CTNND2: variants seen among roughly 807,000 people sequenced by gnomAD.
CTNND2 encodes the protein catenin delta 2, also known as catenin delta-2.
A neutral mutation model predicts 144.4 loss-of-function variants in CTNND2; 22 were observed. The ratio of observed to expected loss-of-function variants is 0.15; its 90% CI spans 0.11 to 0.22. The LOEUF (loss-of-function observed/expected upper bound fraction) is 0.22, where lower values mean the gene tolerates loss of function less well. CTNND2 is among the 10% of genes least tolerant of loss of function. CTNND2 has a pLI of 1.00. For missense variants in CTNND2, 1,353 were observed against 1,618.8 expected (o/e 0.84, Z 2.82); for synonymous variants, 751 against 695.6 (o/e 1.08, Z -1.25).
chr5:11,838,696 G>A (rs1794305046), intron 1 of CTNND2, among the ~76,000 whole-genome samples: 1 of 152,164 alleles, frequency 6.6e-6, no homozygotes, highest in Admixed American at 6.5e-5. Context: ...GCTAGAGTAT[G>A]ATACTATCAT....
intron 8 of CTNND2, among the ~76,000 whole-genome samples, chr5:11,360,356 T>C (rs1245593179): frequency 6.6e-6 from 1 of 152,180 alleles, no homozygotes; most frequent in Non-Finnish European, 1.5e-5. Context: ...GTTATCTCCC[T>C]GACTATCTCT....
At chr5:11,684,606 T>C (rs1041266718) in intron 2 of CTNND2, among the ~76,000 whole-genome samples, 3 of 152,234 alleles carry the variant, frequency 2.0e-5, no homozygotes, top group Non-Finnish European at 2.9e-5. Context: ...GTCAGCAAGT[T>C]GGTCATGGCA....
At chr5:11,227,840 C>A (rs2149878607) in intron 10 of CTNND2, among the ~76,000 whole-genome samples, 1 of 152,234 alleles carries the variant, frequency 6.6e-6, no homozygotes, top group South Asian at 2.1e-4. Context: ...GACACACAAA[C>A]AGACAACTGC....
chr5:11,876,140 T>C (rs1309777058), intron 1 of CTNND2, among the ~76,000 whole-genome samples: 2 of 151,996 alleles, frequency 1.3e-5, no homozygotes, highest in Admixed American at 6.6e-5. Flanking sequence ...CATGGTCCCT[T>C]AGAATATGGG....
chr5:11,470,573 T>C (rs1767094118), intron 3 of CTNND2, among the ~76,000 whole-genome samples: 1 of 152,138 alleles, frequency 6.6e-6, no homozygotes, highest in Non-Finnish European at 1.5e-5. Flanking sequence ...CTGACTAAAG[T>C]CCTTGGTTTA....
intron 2 of CTNND2, among the ~76,000 whole-genome samples, chr5:11,580,383 T>G (rs2150128478): frequency 6.6e-6 from 1 of 152,324 alleles, no homozygotes; most frequent in East Asian, 1.9e-4. Flanking sequence ...ACTTTCTTAT[T>G]ATTTTCTGTC....
chr5:11,699,426 G>A (rs1785313198), intron 2 of CTNND2, among the ~76,000 whole-genome samples: 2 of 152,098 alleles, frequency 1.3e-5, no homozygotes, highest in Admixed American at 6.6e-5. Flanking sequence ...GTGGGTGAGA[G>A]GGAAATAAGA....
intron 1 of CTNND2, among the ~76,000 whole-genome samples, chr5:11,878,684 T>C (rs1009768009): frequency 6.6e-6 from 1 of 152,160 alleles, no homozygotes. Context: ...CAGGTTATTA[T>C]TTGCTAAGAG....
chr5:11,447,971 G>C (rs781053845), intron 3 of CTNND2, among the ~76,000 whole-genome samples: 2 of 152,152 alleles, frequency 1.3e-5, no homozygotes, highest in Non-Finnish European at 2.9e-5. Context: ...CAATTTTCCT[G>C]AGAATGAAGT....
intron 16 of CTNND2, among the ~76,000 whole-genome samples, chr5:11,060,932 T>G (rs1746895328): frequency 6.6e-6 from 1 of 152,124 alleles, no homozygotes. Context: ...ACTTAGAGAT[T>G]AACATAATTG....
At chr5:11,401,843 G>A (rs1760678161) in intron 5 of CTNND2, among the ~76,000 whole-genome samples, 1 of 152,132 alleles carries the variant, frequency 6.6e-6, no homozygotes, top group Non-Finnish European at 1.5e-5. Flanking sequence ...ACAACAAATT[G>A]TAATCTTTCC....
At chr5:11,259,907 C>G (rs1440506497) in intron 9 of CTNND2, among the ~76,000 whole-genome samples, 1 of 152,160 alleles carries the variant, frequency 6.6e-6, no homozygotes, top group Admixed American at 6.5e-5. Flanking sequence ...ATCTGCTGTG[C>G]TTTTTCACTA....
chr5:11,280,927 G>A (rs758325190), intron 9 of CTNND2, among the ~76,000 whole-genome samples: 152 of 152,122 alleles, frequency 1.0e-3, no homozygotes, highest in Non-Finnish European at 1.9e-3. Context: ...AGGAGTGTGG[G>A]TGGTGTACGA....
chr5:11,835,130 T>C (rs1176207344), intron 1 of CTNND2, among the ~76,000 whole-genome samples: 1 of 152,202 alleles, frequency 6.6e-6, no homozygotes, highest in Non-Finnish European at 1.5e-5. Flanking sequence ...AGACTGCAAC[T>C]ACCTCCAAGA....
At chr5:11,636,757 C>G (rs1307639418) in intron 2 of CTNND2, among the ~76,000 whole-genome samples, 3 of 152,188 alleles carry the variant, frequency 2.0e-5, no homozygotes, top group African/African-American at 7.2e-5. Context: ...TGGAGCAGAT[C>G]TATTTATCAA....
At chr5:11,791,181 A>C (rs2126868611) in intron 1 of CTNND2, among the ~76,000 whole-genome samples, 1 of 152,236 alleles carries the variant, frequency 6.6e-6, no homozygotes, top group South Asian at 2.1e-4. Context: ...CTGTGCCAAC[A>C]CTCTGATTTC....
intron 1 of CTNND2, among the ~76,000 whole-genome samples, chr5:11,840,841 T>C (rs1794432854): frequency 6.6e-6 from 1 of 152,198 alleles, no homozygotes; most frequent in Admixed American, 6.5e-5. Flanking sequence ...CATGTATCTA[T>C]ACATTCAAGT....
chr5:11,053,976 T>A (rs187193176), intron 16 of CTNND2, among the ~76,000 whole-genome samples: 366 of 152,352 alleles, frequency 2.4e-3, no homozygotes, highest in African/African-American at 8.5e-3. Context: ...TTAGAAAGAT[T>A]TGTGCCTACA....
chr5:11,283,578 G>A (rs2150000823), intron 9 of CTNND2, among the ~76,000 whole-genome samples: 1 of 149,444 alleles, frequency 6.7e-6, no homozygotes, highest in East Asian at 2.0e-4. Context: ...GGAGGCTGAG[G>A]TGGGAGAATC....
Sources: allele counts gnomAD v4.1 joint callset (sites outside exome capture counted in the v4.1 genomes callset), GRCh38; gene constraint gnomAD v4.1.1; transcripts MANE v1.5; gene names NCBI Gene and HGNC (gene_info 2026-07-23, HGNC 2026-07-21).